Variants in FTO observed in about 807,000 individuals in gnomAD.
The protein encoded by FTO is alpha-ketoglutarate-dependent dioxygenase FTO.
FTO carries 47 observed loss-of-function variants against 63.9 expected under a neutral mutation model. The ratio of observed to expected loss-of-function variants is 0.74; its 90% CI spans 0.58 to 0.94. FTO has a LOEUF of 0.94. FTO is among the 40% of genes least tolerant of loss of function. FTO has a pLI of 0.00. For synonymous variants in FTO, 207 were observed against 224.4 expected, an observed-to-expected ratio of 0.92 and a Z score of 0.69; for missense variants, 562 against 618.1, an observed-to-expected ratio of 0.91 and a Z score of 0.96.
rs532736321 is a variant in FTO at position 53,893,450 on chromosome 16, G to A, written c.1239+4499G>A. Among the ~76,000 whole-genome samples the A allele has an allele frequency of 1.2e-3, 187 of 152,280 alleles. No individual in the cohort carries two copies. The South Asian group carries it at 0.021, about 17-fold the overall frequency. Reference sequence around the variant, plus strand: ...TGGGTAAAGAGAAATATGAAAAGCTGAAGTCTCCTGTGAGGTGGGCAAGTC... The same window carrying A: ...TGGGTAAAGAGAAATATGAAAAGCTAAAGTCTCCTGTGAGGTGGGCAAGTC... On this transcript the variant is annotated intron_variant, in intron 7 of 8. Transcript: ENST00000471389.
chr16:54,109,742 C>G (rs2086835442), intron 8 of FTO, among the ~76,000 whole-genome samples: 2 of 152,188 alleles, frequency 1.3e-5, no homozygotes, highest in Admixed American at 6.5e-5. Context: ...ATAAGCAAAC[C>G]TCTGCAGCAG....
At chr16:53,998,664 C>A (rs527928388) in intron 8 of FTO, 44 of 152,358 alleles carry the variant, frequency 2.9e-4, no homozygotes, top group African/African-American at 1.0e-3. Context: ...TCAGTTGGCT[C>A]TATTCTTATG....
At chr16:54,049,953 T>A (rs1442628558) in intron 8 of FTO, among the ~76,000 whole-genome samples, 1 of 152,214 alleles carries the variant, frequency 6.6e-6, no homozygotes, top group East Asian at 1.9e-4. Flanking sequence ...TATTGAGTGA[T>A]TGTGTGAAAA....
In FTO at chr16:54,121,442, T is replaced by C. The variant is rs1260151293; in HGVS notation, c.*9527T>C. 6.6e-6 allele frequency: 1 copy of C among 152,184 alleles called. No homozygotes were observed. Among genetic ancestry groups the C allele is most frequent in the African/African-American group, 2.4e-5 (1 of 41,432 alleles). The allele number at this position is 152,184 out of a possible 1,614,324, so 9.4% of individuals were successfully genotyped here. ...GCCAGGAGCAAAACCTAAGGCTATT[T>C]CTGAACTAAAGAGGCCTGAATAAGG... On this transcript the variant is annotated 3_prime_UTR_variant, in exon 9 of 9. Transcript: ENST00000471389.
chr16:53,810,354 C>T (rs932479362), intron 2 of FTO, 137 bp downstream of exon 2: 3 of 680,738 alleles, frequency 4.4e-6, no homozygotes, highest in African/African-American at 3.6e-5. Flanking sequence ...TTCTCATGGC[C>T]TACAGAGCAT....
At chr16:53,730,641 T>C (rs549107486) in intron 1 of FTO, among the ~76,000 whole-genome samples, 74 of 152,178 alleles carry the variant, frequency 4.9e-4, no homozygotes, top group Admixed American at 1.2e-3. Flanking sequence ...ACTACAGGTG[T>C]GCACCACCAT....
chr16:53,763,144 G>C (rs368293045), intron 1 of FTO, among the ~76,000 whole-genome samples: 1 of 152,086 alleles, frequency 6.6e-6, no homozygotes, highest in African/African-American at 2.4e-5. Context: ...TGTTTATCCC[G>C]GCTAATATAG....
At chr16:53,941,818 G>A (rs1212240933) in intron 8 of FTO, among the ~76,000 whole-genome samples, 2 of 152,180 alleles carry the variant, frequency 1.3e-5, no homozygotes, top group Admixed American at 6.5e-5. Context: ...CTACACTCCA[G>A]CCTGGGTGAC....
At chr16:53,803,564 G>A (rs941193184) in intron 1 of FTO, among the ~76,000 whole-genome samples, 3 of 152,166 alleles carry the variant, frequency 2.0e-5, no homozygotes, top group African/African-American at 7.2e-5. Flanking sequence ...AAAATGTTGT[G>A]TATGTTGTTT....
chr16:54,080,341 T>C (rs1371023638), intron 8 of FTO, among the ~76,000 whole-genome samples: 1 of 152,194 alleles, frequency 6.6e-6, no homozygotes, highest in African/African-American at 2.4e-5. Context: ...CTAATAATAA[T>C]AGTTGTCATT....
chr16:53,897,304 A>G (rs2081300435), intron 7 of FTO, among the ~76,000 whole-genome samples: 1 of 152,032 alleles, frequency 6.6e-6, no homozygotes. Flanking sequence ...ATCATCTCCT[A>G]CTTGTTTCTT....
chr16:54,008,845 AATAATAATAATAAT>A (rs1468557383), intron 8 of FTO, among the ~76,000 whole-genome samples: 4 of 58,566 alleles, frequency 6.8e-5, no homozygotes, highest in Admixed American at 1.7e-4. Flanking sequence ...TAATAATAAT[AATAATAATAATAAT>A]AAATTAGCTG....
At chr16:53,750,950 G>C (rs957907077) in intron 1 of FTO, among the ~76,000 whole-genome samples, 2 of 152,226 alleles carry the variant, frequency 1.3e-5, no homozygotes, top group Non-Finnish European at 2.9e-5. Context: ...TTCTTCCTCT[G>C]TGCTTGTGGG....
At chr16:53,806,452 G>C (rs757172787) in intron 1 of FTO, among the ~76,000 whole-genome samples, 2 of 152,072 alleles carry the variant, frequency 1.3e-5, no homozygotes, top group Non-Finnish European at 2.9e-5. Context: ...TTTATCCTTT[G>C]TGTTTCTGTA....
chr16:54,082,606 A>T (rs1377167989), intron 8 of FTO, among the ~76,000 whole-genome samples: 1 of 152,216 alleles, frequency 6.6e-6, no homozygotes, highest in Non-Finnish European at 1.5e-5. Context: ...GGGTTTGCTG[A>T]TAGCCTAGAT....
intron 8 of FTO, among the ~76,000 whole-genome samples, chr16:53,980,538 A>T (rs1160349328): frequency 2.6e-5 from 4 of 152,208 alleles, no homozygotes; most frequent in Non-Finnish European, 4.4e-5. Flanking sequence ...ATTTGCCCAG[A>T]GGTGCTGAAA....
chr16:53,984,642 T>TA (rs1241357111), intron 8 of FTO, among the ~76,000 whole-genome samples: 1 of 152,096 alleles, frequency 6.6e-6, no homozygotes, highest in Non-Finnish European at 1.5e-5. Context: ...CTTTTTAAAG[T>TA]ACATTGTGAG....
intron 8 of FTO, among the ~76,000 whole-genome samples, chr16:54,015,065 G>A (rs1055025221): frequency 6.6e-6 from 1 of 151,184 alleles, no homozygotes; most frequent in African/African-American, 2.4e-5. Flanking sequence ...CTCACTCTAG[G>A]TCTTGCCTAG....
intron 8 of FTO, among the ~76,000 whole-genome samples, chr16:54,068,668 G>A (rs1243879789): frequency 6.6e-6 from 1 of 152,118 alleles, no homozygotes; most frequent in East Asian, 1.9e-4. Context: ...CAATAGCAGT[G>A]CTAACTTTTT....
Sources: allele counts gnomAD v4.1 joint callset (sites outside exome capture counted in the v4.1 genomes callset), GRCh38; gene constraint gnomAD v4.1.1; transcripts MANE v1.5; gene names NCBI Gene and HGNC (gene_info 2026-07-23, HGNC 2026-07-21).